Variants in ADORA2B observed in about 807,000 individuals in gnomAD.
ADORA2B encodes the protein adenosine A2b receptor, also known as adenosine receptor A2b.
Under a neutral mutation model 20.8 loss-of-function variants are expected in ADORA2B, and 18 were observed. The observed-to-expected ratio is 0.87, with a 90% CI of 0.60 to 1.29. The LOEUF (loss-of-function observed/expected upper bound fraction) is 1.29. ADORA2B is among the 50% of genes most tolerant of loss of function. ADORA2B has a pLI of 0.00. For synonymous variants in ADORA2B, 179 were observed against 178.3 expected (o/e 1.00, Z -0.03); for missense variants, 441 against 422.7 (o/e 1.04, Z -0.38).
chr17:15,945,713 G>C, intron 1 of ADORA2B, 130 bp downstream of exon 1: 1 of 892,420 alleles, frequency 1.1e-6, no homozygotes, highest in Non-Finnish European at 1.6e-6. Context: ...GGCGCTTGGA[G>C]GGCTGGTTCC....
chr17:15,851,078 T>G, the ADORA2B span, among the ~76,000 whole-genome samples: 1 of 152,208 alleles, frequency 6.6e-6, no homozygotes, highest in East Asian at 1.9e-4. Context: ...ATAGCCATAC[T>G]TCTACTGATA....
At chr17:15,932,377 C>A in the ADORA2B span, among the ~76,000 whole-genome samples, 29 of 151,714 alleles carry the variant, frequency 1.9e-4, no homozygotes, top group Non-Finnish European at 7.4e-5. Flanking sequence ...CCTATATTCC[C>A]AGCTACTGGG....
chr17:15,863,271 A>G, the ADORA2B span, among the ~76,000 whole-genome samples: 2 of 152,264 alleles, frequency 1.3e-5, no homozygotes, highest in South Asian at 4.1e-4. Context: ...TCAATTTTAC[A>G]TTTATCTCAT....
the ADORA2B span, among the ~76,000 whole-genome samples, chr17:15,885,157 T>A: frequency 1.1e-3 from 162 of 152,342 alleles, 1 homozygote; most frequent in Non-Finnish European, 1.1e-3. Context: ...TTATTTGCAT[T>A]TCTCTAATAA....
the ADORA2B span, among the ~76,000 whole-genome samples, chr17:15,899,311 T>A: frequency 6.6e-6 from 1 of 152,196 alleles, no homozygotes; most frequent in Non-Finnish European, 1.5e-5. Flanking sequence ...GCAGTAGTAA[T>A]CCATAAATCT....
the ADORA2B span, among the ~76,000 whole-genome samples, chr17:15,888,322 G>A: frequency 1.5e-5 from 2 of 129,280 alleles, 1 homozygote; most frequent in Non-Finnish European, 3.3e-5. Context: ...TCATGGCTGC[G>A]GCTGGGACTG....
At position 15,948,296 on chromosome 17, in the gene ADORA2B, G is replaced by A. The variant is rs565727537; in HGVS notation, c.335+2713G>A. Among the ~76,000 whole-genome samples the A allele has an allele frequency of 4.0e-4, 61 of 151,480 alleles. 1 individual carries two copies. Among genetic ancestry groups the A allele is most frequent in the South Asian group, 8.4e-4 (4 of 4,782 alleles). ...AGGGAATGCCAGGGACAAATATGAC[G>A]CCCTTGGCCTGGCCCTTTGCCTTCA... On this transcript the variant is annotated intron_variant, in intron 1 of 1. Transcript: ENST00000304222.
At chr17:15,921,510 A>G in the ADORA2B span, among the ~76,000 whole-genome samples, 1 of 152,252 alleles carries the variant, frequency 6.6e-6, no homozygotes, top group African/African-American at 2.4e-5. Context: ...TGATGCTAAA[A>G]TACATGTTCA....
At chr17:15,948,745 T>C (rs1969852005) in intron 1 of ADORA2B, among the ~76,000 whole-genome samples, 1 of 149,470 alleles carries the variant, frequency 6.7e-6, no homozygotes, top group South Asian at 2.1e-4. Flanking sequence ...GTATCTGACC[T>C]GTCCCTGGAC....
chr17:15,883,046 T>C, the ADORA2B span, among the ~76,000 whole-genome samples: 3 of 152,222 alleles, frequency 2.0e-5, no homozygotes, highest in African/African-American at 4.8e-5. Flanking sequence ...CCCTTACTCA[T>C]GAAATATCGT....
chr17:15,865,527 C>T, the ADORA2B span, among the ~76,000 whole-genome samples: 2 of 151,844 alleles, frequency 1.3e-5, no homozygotes, highest in Non-Finnish European at 2.9e-5. Flanking sequence ...CTCCCAAAGT[C>T]CTGGGATTAC....
the ADORA2B span, among the ~76,000 whole-genome samples, chr17:15,909,984 GTTC>G: frequency 6.6e-6 from 1 of 152,234 alleles, no homozygotes; most frequent in South Asian, 2.1e-4. Context: ...GCTCTGCCGT[GTTC>G]TTCTGGGCAG....
chr17:15,971,688 G>A (rs1970189979), intron 1 of ADORA2B, among the ~76,000 whole-genome samples: 1 of 142,646 alleles, frequency 7.0e-6, no homozygotes, highest in Non-Finnish European at 1.5e-5. Flanking sequence ...GGAGTGCAAT[G>A]GTGTAATGAT....
chr17:15,922,429 G>C, the ADORA2B span, among the ~76,000 whole-genome samples: 1 of 152,164 alleles, frequency 6.6e-6, no homozygotes. Flanking sequence ...TCTGCTGCAT[G>C]GTATTCTATT....
the ADORA2B span, among the ~76,000 whole-genome samples, chr17:15,917,251 A>C: frequency 2.0e-5 from 3 of 152,292 alleles, no homozygotes; most frequent in African/African-American, 7.2e-5. Flanking sequence ...CTGCAGTGAG[A>C]TCTGATTGTG....
At chr17:15,874,374 AT>A in the ADORA2B span, among the ~76,000 whole-genome samples, 1 of 151,952 alleles carries the variant, frequency 6.6e-6, no homozygotes, top group African/African-American at 2.4e-5. Context: ...ATTAAAATAT[AT>A]GTATTTTACC....
the ADORA2B span, among the ~76,000 whole-genome samples, chr17:15,872,496 G>T: frequency 2.0e-3 from 305 of 152,182 alleles, 1 homozygote; most frequent in African/African-American, 7.0e-3. Context: ...AGATTGCTTT[G>T]GGCAGTATGA....
chr17:15,887,975 A>G, the ADORA2B span, among the ~76,000 whole-genome samples: 9 of 104,592 alleles, frequency 8.6e-5, no homozygotes, highest in African/African-American at 4.1e-4. Flanking sequence ...AAAAAAAAAA[A>G]AAAAAAAAAA....
chr17:15,964,129 T>G (rs1022691659), intron 1 of ADORA2B, among the ~76,000 whole-genome samples: 1 of 152,212 alleles, frequency 6.6e-6, no homozygotes, highest in African/African-American at 2.4e-5. Flanking sequence ...AGAGATAAGG[T>G]GGTTTGCCCT....
Sources: gnomAD v4.1 joint callset for allele counts (sites outside exome capture counted in the v4.1 genomes callset) on GRCh38, gnomAD v4.1.1 for gene constraint, MANE v1.5 for transcripts, NCBI Gene and HGNC (gene_info 2026-07-23, HGNC 2026-07-21) for gene names.